REV3L: variants seen among roughly 807,000 people sequenced by gnomAD.
REV3L encodes DNA polymerase zeta catalytic subunit.
REV3L carries 69 observed loss-of-function variants against 299.4 expected under a neutral mutation model. That is an observed-to-expected ratio of 0.23 (90% CI 0.19 to 0.28). REV3L has a LOEUF of 0.28. REV3L is among the 10% of genes least tolerant of loss of function. The probability of loss-of-function intolerance (pLI) is 1.00; values close to 1 mark genes in which losing one functional copy is unlikely to be tolerated. For missense variants in REV3L, 3,128 were observed against 3,693.8 expected, an observed-to-expected ratio of 0.85 and a Z score of 3.97; for synonymous variants, 1,238 against 1,271.4, an observed-to-expected ratio of 0.97 and a Z score of 0.56.
At chr6:111,317,550 A>T (rs1259034119) in intron 26 of REV3L, among the ~76,000 whole-genome samples, 1 of 152,160 alleles carries the variant, frequency 6.6e-6, no homozygotes, top group East Asian at 1.9e-4. Context: ...GCAGTGGCAT[A>T]ATCATGGCTC....
chr6:111,466,395 A>C (rs1403719458), intron 1 of REV3L, among the ~76,000 whole-genome samples: 1 of 152,206 alleles, frequency 6.6e-6, no homozygotes, highest in African/African-American at 2.4e-5. Flanking sequence ...ATTTTTTTTA[A>C]AAAAAGCACA....
At chr6:111,300,706 G>T (rs2114668962) in intron 31 of REV3L, among the ~76,000 whole-genome samples, 1 of 152,218 alleles carries the variant, frequency 6.6e-6, no homozygotes, top group Non-Finnish European at 1.5e-5. Flanking sequence ...AAGATTTCAT[G>T]AACATTTATC....
chr6:111,483,294 G>A (rs1309362689), upstream of REV3L: 2 of 480,948 alleles, frequency 4.2e-6, no homozygotes, highest in Admixed American at 4.4e-5. Flanking sequence ...GGGGGAGGGG[G>A]CTCGGCGGGA....
At chr6:111,323,452 A>G (rs1019544684) in intron 25 of REV3L, among the ~76,000 whole-genome samples, 9 of 151,950 alleles carry the variant, frequency 5.9e-5, no homozygotes, top group Non-Finnish European at 1.2e-4. Context: ...TCTTGTCACT[A>G]GTTATACAAA....
At chr6:111,476,379 A>T (rs955018084) in intron 1 of REV3L, among the ~76,000 whole-genome samples, 1 of 151,436 alleles carries the variant, frequency 6.6e-6, no homozygotes, top group Non-Finnish European at 1.5e-5. Flanking sequence ...CTGGTCTTGA[A>T]CTCCTGGGCT....
intron 24 of REV3L, 83 bp from the exon 25 acceptor site, chr6:111,329,821 T>G: frequency 2.0e-6 from 2 of 1,020,232 alleles, no homozygotes; most frequent in Non-Finnish European, 2.9e-6. Context: ...AACATAATAA[T>G]GGCCAACTGT....
In REV3L at chr6:111,375,228, T is replaced by G. The variant is rs762804099; in HGVS notation, c.3127A>C (p.Lys1043Gln). The change falls in exon 13 of 32, where the codon AAG becomes CAG. Residue 1043 changes from lysine (K) to glutamine (Q), a missense_variant. Physicochemically the swap from Lys to Gln is moderately conservative, Grantham distance 53. Around this residue, in one of 9 missense-constraint regions of REV3L, gnomAD observed 2,409 missense variants for 2,611.8 expected, o/e 0.92. Coordinates refer to ENST00000368802, the MANE Select transcript of REV3L (RefSeq NM_001372078.1). ...TKYPIYPLTP[K>Q]KSHRRKSKHK... is the part of the protein sequence containing the mutation. ...TTTGACTTTCTTCTGTGACTTTTCT[T>G]TGGTGTTAGTGGATAAATGGGATAT... The G allele has an allele frequency of 6.2e-7, 1 of 1,612,704 alleles. No homozygotes were observed. Among genetic ancestry groups the G allele is most frequent in the Non-Finnish European group, 8.5e-7 (1 of 1,179,760 alleles).
chr6:111,475,767 ATTTTAT>A (rs1224061466), intron 1 of REV3L, among the ~76,000 whole-genome samples: 1 of 152,148 alleles, frequency 6.6e-6, no homozygotes, highest in Non-Finnish European at 1.5e-5. Context: ...CCTGTACAGA[ATTTTAT>A]TTTTATGTCC....
At chr6:111,397,897 A>G (rs892512900) in intron 4 of REV3L, among the ~76,000 whole-genome samples, 1 of 151,968 alleles carries the variant, frequency 6.6e-6, no homozygotes, top group Admixed American at 6.5e-5. Context: ...TCAGCTTCTC[A>G]AAGTGTCAGG....
chr6:111,407,738 C>A (rs1463822256), intron 3 of REV3L, among the ~76,000 whole-genome samples: 1 of 151,998 alleles, frequency 6.6e-6, no homozygotes, highest in Non-Finnish European at 1.5e-5. Flanking sequence ...GGTTCTAGAC[C>A]AGCCTGGCCA....
At chr6:111,307,795 CA>C (rs2114708701) in intron 30 of REV3L, 1 of 520,188 alleles carries the variant, frequency 1.9e-6, no homozygotes, top group South Asian at 2.7e-5. Context: ...TTATCAGATA[CA>C]TTTTTTTTTT....
rs1771233359 is a variant in REV3L, at chr6:111,299,414, A to ATGTT, written c.*598_*601dup. 2.0e-5 allele frequency: 3 copies of ATGTT among 151,164 alleles called. No homozygotes were observed. Among genetic ancestry groups the ATGTT allele is most frequent in the Admixed American group, 6.6e-5 (1 of 15,072 alleles). 9.4% of individuals were successfully genotyped at this position (151,164 alleles called of 1,614,324 possible). A position where few individuals can be genotyped will look rare whatever the true frequency, so the allele number is the denominator to read the frequency against. On this transcript the variant is annotated 3_prime_UTR_variant, in exon 32 of 32. Transcript: ENST00000368802. ...AGACAGCATTTTTTAAAAAAAAATA[A>ATGTT]TGTTTCAAAATGCTACACGTGGTAC...
chr6:111,436,768 T>C (rs181343623), intron 1 of REV3L, among the ~76,000 whole-genome samples: 2 of 152,258 alleles, frequency 1.3e-5, no homozygotes, highest in East Asian at 3.9e-4. Flanking sequence ...TCAAAATAGC[T>C]AGAAGAGAAT....
chr6:111,404,123 T>A (rs1173950548), intron 4 of REV3L, among the ~76,000 whole-genome samples: 1 of 152,122 alleles, frequency 6.6e-6, no homozygotes, highest in Non-Finnish European at 1.5e-5. Context: ...CTTGGTAGGG[T>A]TATTTAATGC....
In REV3L at chr6:111,374,959, T is replaced by C. The variant is rs760239603; in HGVS notation, c.3396A>G (p.Thr1132=). Residue 1132 remains threonine (T), a synonymous_variant, in exon 13 of 32, where the codon ACA becomes ACG. Coordinates refer to ENST00000368802, the MANE Select transcript of REV3L (RefSeq NM_001372078.1). ...NSSPPRCWSP[T]DPRAEEIMAA... is the part of the protein sequence containing the mutation. Reference sequence around the variant, plus strand: ...CCATGATTTCTTCAGCTCTTGGATCTGTGGGAGACCAGCAGCGAGGTGGAG... The same window carrying C: ...CCATGATTTCTTCAGCTCTTGGATCCGTGGGAGACCAGCAGCGAGGTGGAG... 3 of 1,612,568 alleles carry C rather than the reference T, an allele frequency of 1.9e-6. No individual in the cohort carries two copies. Among genetic ancestry groups the C allele is most frequent in the South Asian group, 2.2e-5 (2 of 90,528 alleles).
chr6:111,356,975 C>G lies in REV3L; in HGVS notation c.7184+39G>C, dbSNP rs570798485. 34 of 1,134,678 alleles carry G rather than the reference C, an allele frequency of 3.0e-5. No individual in the cohort carries two copies. In the East Asian group the frequency reaches 8.6e-4, roughly 29 times the overall value. The allele number at this position is 1,134,678 out of a possible 1,614,324, so 70.3% of individuals were successfully genotyped here. A position where few individuals can be genotyped will look rare whatever the true frequency, so the allele number is the denominator to read the frequency against. The stretch of plus-strand genomic sequence containing the variant: ...ATCTGCAATAGCATGAAACGACTCT[C>G]TGAATAAAACTGGAAAAATCAGATA... On this transcript the variant is annotated intron_variant, in intron 18 of 31. Coordinates refer to ENST00000368802, the MANE Select transcript of REV3L (RefSeq NM_001372078.1).
chr6:111,398,420 AAAAAAG>A (rs1422700518), intron 4 of REV3L, among the ~76,000 whole-genome samples: 2 of 151,188 alleles, frequency 1.3e-5, no homozygotes, highest in African/African-American at 4.9e-5. Flanking sequence ...TGTGGGGGGA[AAAAAAG>A]AAAAAAGAAA....
intron 1 of REV3L, among the ~76,000 whole-genome samples, chr6:111,431,957 G>GA (rs879289484): frequency 4.5e-4 from 68 of 150,098 alleles, no homozygotes; most frequent in South Asian, 4.2e-4. Context: ...GGGACCTGAG[G>GA]AAAAAAAAAG....
intron 21 of REV3L, among the ~76,000 whole-genome samples, chr6:111,343,508 C>A (rs563990961): frequency 6.6e-6 from 1 of 152,252 alleles, no homozygotes; most frequent in Non-Finnish European, 1.5e-5. Flanking sequence ...TTTTCAAAGT[C>A]ATTGAACAAT....
Sources: gnomAD v4.1 joint callset for allele counts (sites outside exome capture counted in the v4.1 genomes callset) on GRCh38, gnomAD v4.1.1 for gene constraint, gnomAD v4.1.1 regional missense constraint, MANE v1.5 for transcripts, NCBI Gene and HGNC (gene_info 2026-07-23, HGNC 2026-07-21) for gene names.